CLASP1: variants seen among roughly 807,000 people sequenced by gnomAD.
CLASP1 encodes cytoplasmic linker associated protein 1.
Under a neutral mutation model 192.3 loss-of-function variants are expected in CLASP1, and 38 were observed. The ratio of observed to expected loss-of-function variants is 0.20; its 90% CI spans 0.15 to 0.26. The LOEUF (loss-of-function observed/expected upper bound fraction) is 0.26, where lower values mean the gene tolerates loss of function less well. CLASP1 is among the 10% of genes least tolerant of loss of function. The probability of loss-of-function intolerance (pLI) is 1.00; values close to 1 mark genes in which losing one functional copy is unlikely to be tolerated. For missense variants in CLASP1, 1,433 were observed against 1,932.5 expected, an observed-to-expected ratio of 0.74 and a Z score of 4.85; for synonymous variants, 691 against 712.8, an observed-to-expected ratio of 0.97 and a Z score of 0.49.
chr2:121,511,719 A>G (rs528299835), intron 7 of CLASP1, among the ~76,000 whole-genome samples: 1 of 152,354 alleles, frequency 6.6e-6, no homozygotes, highest in East Asian at 1.9e-4. Context: ...GTAAATAACA[A>G]AAGGATCAAT....
intron 35 of CLASP1, 62 bp from the exon 37 acceptor site, chr2:121,365,346 C>T: frequency 7.1e-7 from 1 of 1,416,434 alleles, no homozygotes; most frequent in Non-Finnish European, 9.7e-7. Flanking sequence ...GGGGCTTGCT[C>T]AGTGGTGCGC....
chr2:121,573,787 C>A (rs2060197286), intron 2 of CLASP1, among the ~76,000 whole-genome samples: 1 of 152,140 alleles, frequency 6.6e-6, no homozygotes, highest in Admixed American at 6.5e-5. Flanking sequence ...TTCCTTATAA[C>A]TGCATGTGAA....
intron 2 of CLASP1, among the ~76,000 whole-genome samples, chr2:121,599,143 G>A (rs1231319750): frequency 4.6e-5 from 7 of 151,902 alleles, no homozygotes; most frequent in African/African-American, 9.7e-5. Flanking sequence ...GATTACAGGC[G>A]TGATTCACTA....
chr2:121,600,794 C>A (rs1043572120), intron 2 of CLASP1, among the ~76,000 whole-genome samples: 2 of 152,210 alleles, frequency 1.3e-5, no homozygotes, highest in African/African-American at 2.4e-5. Flanking sequence ...CCTATTAGGA[C>A]CCTGATACTA....
intron 5 of CLASP1, among the ~76,000 whole-genome samples, chr2:121,526,290 T>C (rs1031401165): frequency 4.6e-5 from 7 of 152,216 alleles, no homozygotes; most frequent in African/African-American, 1.4e-4. Context: ...TTGAGGGACC[T>C]TGTTTAATTC....
chr2:121,572,902 A>G (rs531094571), intron 2 of CLASP1, among the ~76,000 whole-genome samples: 26 of 152,332 alleles, frequency 1.7e-4, no homozygotes, highest in African/African-American at 6.0e-4. Context: ...TATTAAATCT[A>G]GCTTGGGTCC....
At chr2:121,456,088 ATAAG>A (rs2086598172) in intron 14 of CLASP1, among the ~76,000 whole-genome samples, 1 of 152,204 alleles carries the variant, frequency 6.6e-6, no homozygotes, top group African/African-American at 2.4e-5. Context: ...CCACAAAAAA[ATAAG>A]TATGTGAGGT....
At chr2:121,638,645 T>TA (rs1219249324) in intron 1 of CLASP1, among the ~76,000 whole-genome samples, 4 of 148,856 alleles carry the variant, frequency 2.7e-5, no homozygotes, top group East Asian at 3.9e-4. Context: ...TACTCAGCAA[T>TA]AAAAAAAGAA....
chr2:121,518,149 T>G (rs1242446813), intron 6 of CLASP1, among the ~76,000 whole-genome samples: 1 of 142,490 alleles, frequency 7.0e-6, no homozygotes, highest in African/African-American at 2.6e-5. Flanking sequence ...GAGAATCACT[T>G]AAACCCGGGA....
At chr2:121,423,420 T>C (rs751018274) in intron 22 of CLASP1, among the ~76,000 whole-genome samples, 3 of 152,156 alleles carry the variant, frequency 2.0e-5, no homozygotes, top group African/African-American at 2.4e-5. Context: ...ATTAGAATTA[T>C]GTTAGATAAA....
At chr2:121,594,219 G>A (rs1419356046) in intron 2 of CLASP1, among the ~76,000 whole-genome samples, 1 of 149,750 alleles carries the variant, frequency 6.7e-6, no homozygotes, top group East Asian at 2.0e-4. Context: ...AGAATGGCGT[G>A]AACCCGGGAG....
At chr2:121,368,088 A>G (rs1438024102) in intron 34 of CLASP1, among the ~76,000 whole-genome samples, 2 of 152,106 alleles carry the variant, frequency 1.3e-5, no homozygotes, top group Non-Finnish European at 2.9e-5. Context: ...GATCCACTTT[A>G]CCAAGATGTT....
At chr2:121,507,135 T>A (rs1156686274) in intron 7 of CLASP1, among the ~76,000 whole-genome samples, 1 of 152,158 alleles carries the variant, frequency 6.6e-6, no homozygotes, top group Non-Finnish European at 1.5e-5. Flanking sequence ...CAATGAAGAC[T>A]TCAAGTCAAC....
intron 37 of CLASP1, among the ~76,000 whole-genome samples, chr2:121,349,288 G>A (rs1159927130): frequency 6.6e-6 from 1 of 152,096 alleles, no homozygotes; most frequent in Admixed American, 6.5e-5. Flanking sequence ...TCCAAGTGCA[G>A]CCCCCTATCA....
intron 10 of CLASP1, among the ~76,000 whole-genome samples, chr2:121,461,530 G>C (rs932369767): frequency 6.6e-6 from 1 of 152,146 alleles, no homozygotes; most frequent in African/African-American, 2.4e-5. Flanking sequence ...TTTATAACAT[G>C]ACACTATACC....
intron 1 of CLASP1, among the ~76,000 whole-genome samples, chr2:121,644,649 C>T (rs569583958): frequency 2.0e-5 from 3 of 151,570 alleles, no homozygotes; most frequent in East Asian, 3.9e-4. Flanking sequence ...AGCAAGACTC[C>T]GTCTTGGGGG....
rs558431697 is a variant in CLASP1, at chr2:121,392,686, A to AC, written c.3123+4453_3123+4454insG. On this transcript the variant is annotated intron_variant, in intron 30 of 39. Transcript: ENST00000263710. Reference sequence around the variant, plus strand: ...AGAGGCAGATGTCAAATGGATGTCAAACTCCAGAACCCACCTTCTTTCTAT... The same window carrying AC: ...AGAGGCAGATGTCAAATGGATGTCAACACTCCAGAACCCACCTTCTTTCTAT... Among the ~76,000 whole-genome samples the AC allele has an allele frequency of 2.0e-5, 3 of 152,336 alleles. No individual in the cohort carries two copies. In the South Asian group the frequency reaches 6.2e-4, roughly 32 times the overall value.
intron 8 of CLASP1, among the ~76,000 whole-genome samples, chr2:121,487,148 C>T (rs990443840): frequency 1.3e-5 from 2 of 152,090 alleles, no homozygotes; most frequent in African/African-American, 4.8e-5. Context: ...CAGGTCTTTC[C>T]CCACCCACTG....
At chr2:121,567,044 G>A (rs1173608778) in intron 2 of CLASP1, among the ~76,000 whole-genome samples, 1 of 152,162 alleles carries the variant, frequency 6.6e-6, no homozygotes, top group East Asian at 1.9e-4. Flanking sequence ...CATTTCAGAT[G>A]CCAGCTCTAC....
Sources: gnomAD v4.1 joint callset for allele counts (sites outside exome capture counted in the v4.1 genomes callset) on GRCh38, gnomAD v4.1.1 for gene constraint, MANE v1.5 for transcripts, NCBI Gene and HGNC (gene_info 2026-07-23, HGNC 2026-07-21) for gene names.